The following RIPOR2 variants were observed in gnomAD, a reference collection of about 807,000 sequenced individuals.
The protein encoded by RIPOR2 is RHO family interacting cell polarization regulator 2.
RIPOR2 carries 39 observed loss-of-function variants against 114.5 expected under a neutral mutation model. The observed-to-expected ratio is 0.34, with a 90% CI of 0.26 to 0.44. RIPOR2 has a LOEUF of 0.44. Among genes scored for constraint, RIPOR2 ranks in the 20% least tolerant of loss-of-function variants. The pLI is 1.00. For synonymous variants in RIPOR2, 445 were observed against 484.4 expected (o/e 0.92, Z 1.07); for missense variants, 1,007 against 1,255.1 (o/e 0.80, Z 2.99).
In RIPOR2 at chr6:24,830,670, G is replaced by C; in HGVS notation, c.2345C>G (p.Ala782Gly). 1.3e-6 allele frequency: 2 copies of C among 1,549,258 alleles called. No homozygotes were observed. The highest frequency in any genetic ancestry group is 1.7e-6 in the Non-Finnish European group (2 of 1,146,390). Residue 782 changes from alanine (A) to glycine (G), a missense_variant and splice_region_variant, in exon 17 of 22, where the codon GCC becomes GGC. Coordinates refer to ENST00000643898, the MANE Select transcript of RIPOR2 (RefSeq NM_001286445.3). ...CAGCTTTTTGTGAAATTCTGGTATG[G>C]CTGGAAAAGAAGAGCAACCCCCCAT... ...NIGNISSVVEAIPEFHKKLSL... is the reference protein window; with the variant it reads ...NIGNISSVVEGIPEFHKKLSL...
At chr6:24,903,284 C>T (rs546744670) in intron 1 of RIPOR2, among the ~76,000 whole-genome samples, 1 of 152,192 alleles carries the variant, frequency 6.6e-6, no homozygotes, top group Non-Finnish European at 1.5e-5. Context: ...GTTGAATGAT[C>T]TTTTATGATC....
chr6:25,018,526 CCT>C (rs1178388068), intron 1 of RIPOR2, among the ~76,000 whole-genome samples: 5 of 151,968 alleles, frequency 3.3e-5, no homozygotes, highest in African/African-American at 9.7e-5. Flanking sequence ...TGATTATACC[CCT>C]CACCCCTTCC....
At chr6:24,836,878 CATATA>C (rs1215406714) in intron 14 of RIPOR2, among the ~76,000 whole-genome samples, 12 of 152,026 alleles carry the variant, frequency 7.9e-5, no homozygotes, top group Non-Finnish European at 1.6e-4. Flanking sequence ...CTTCTGATGA[CATATA>C]ATAAGATTGA....
rs1405059205 is a variant in RIPOR2 at position 25,019,791 on chromosome 6, A to G, written c.76+22060T>C. On this transcript the variant is annotated intron_variant, in intron 1 of 13. Transcript: ENST00000510784. ...CTCTGTCTCAAAAAAAAAAAAAAAA[A>G]AAAAAAAGAAAAGAAAGAAAGAAAA... 3.3e-5 allele frequency among the ~76,000 whole-genome samples: 5 copies of G among 149,790 alleles called. 1 individual carries two copies. The highest frequency in any genetic ancestry group is 1.3e-4 in the Admixed American group (2 of 15,048).
intron 1 of RIPOR2, among the ~76,000 whole-genome samples, chr6:24,952,602 G>T (rs127486): frequency 0.97 from 147,514 of 152,318 alleles, 71,444 homozygotes; most frequent in East Asian, 0.99. Context: ...AATAATAAAA[G>T]GTAGTAATGA....
intron 1 of RIPOR2, among the ~76,000 whole-genome samples, chr6:24,934,470 T>C (rs137866375): frequency 2.6e-5 from 4 of 152,200 alleles, no homozygotes; most frequent in African/African-American, 7.2e-5. Context: ...TAGAACAACA[T>C]AGCAGAAAGA....
chr6:24,845,871 G>A (rs1160631786), intron 12 of RIPOR2, among the ~76,000 whole-genome samples: 2 of 152,130 alleles, frequency 1.3e-5, no homozygotes, highest in South Asian at 2.1e-4. Flanking sequence ...GGAACAACAT[G>A]CAAAGACATG....
At position 24,848,052 on chromosome 6, in the gene RIPOR2, C is replaced by G; in HGVS notation, c.1137G>C (p.Thr379=). The G allele has an allele frequency of 6.2e-7, 1 of 1,613,930 alleles. No homozygotes were observed. Among genetic ancestry groups the G allele is most frequent in the Admixed American group, 1.7e-5 (1 of 60,020 alleles). The change falls in exon 12 of 22, where the codon ACG becomes ACC. Residue 379 remains threonine, a synonymous_variant. Coordinates refer to ENST00000643898, the MANE Select transcript of RIPOR2 (RefSeq NM_001286445.3). Reference sequence around the variant, plus strand: ...AGAAGGAGTGGTCTTTGAAGGTGGGCGTTTCCGGGGTACCCTGGCTGTACA... The same window carrying G: ...AGAAGGAGTGGTCTTTGAAGGTGGGGGTTTCCGGGGTACCCTGGCTGTACA... ...MSMYSQGTPE[T]PTFKDHSFFS...
chr6:24,997,376 A>T (rs756272692), intron 1 of RIPOR2, among the ~76,000 whole-genome samples: 3 of 152,188 alleles, frequency 2.0e-5, no homozygotes, highest in Non-Finnish European at 4.4e-5. Flanking sequence ...GCCCAGAAAG[A>T]GGAAGAGCCT....
intron 1 of RIPOR2, among the ~76,000 whole-genome samples, chr6:24,915,664 C>T (rs985343554): frequency 1.3e-5 from 2 of 152,112 alleles, no homozygotes; most frequent in African/African-American, 4.8e-5. Flanking sequence ...TGCCTGGCCC[C>T]CGTCTCTCTG....
chr6:24,910,884 G>T, intron 1 of RIPOR2: 1 of 985,360 alleles, frequency 1.0e-6, no homozygotes, highest in Non-Finnish European at 1.2e-6. Context: ...AAAAGCCTCC[G>T]CACCAATGCA....
chr6:24,839,237 A>G lies in RIPOR2; in HGVS notation c.1893T>C (p.Ser631=). The change falls in exon 14 of 22, where the codon AGT becomes AGC. Residue 631 remains serine (S), a synonymous_variant. Coordinates refer to ENST00000643898, the MANE Select transcript of RIPOR2 (RefSeq NM_001286445.3). The part of the protein sequence containing the change: ...KPAVSRSRSS[S]LSLTVESALE... ...AAGCACTTTCAACTGTGAGACTTAA[A>G]CTGGAAGACCTGCTGCGGCTTACTG... The G allele has an allele frequency of 6.4e-7, 1 of 1,551,902 alleles. No individual in the cohort carries two copies. The highest frequency in any genetic ancestry group is 8.7e-7 in the Non-Finnish European group (1 of 1,147,024).
chr6:25,024,853 GT>G (rs1776531147), intron 1 of RIPOR2, among the ~76,000 whole-genome samples: 1 of 152,178 alleles, frequency 6.6e-6, no homozygotes, highest in Non-Finnish European at 1.5e-5. Flanking sequence ...CTTTATGCCT[GT>G]TTTAATCCAT....
At chr6:24,852,123 G>C (rs1368279522) in intron 9 of RIPOR2, among the ~76,000 whole-genome samples, 2 of 152,074 alleles carry the variant, frequency 1.3e-5, no homozygotes, top group African/African-American at 4.8e-5. Context: ...TTAGCCGGCT[G>C]TGGTGGTGCA....
intron 1 of RIPOR2, among the ~76,000 whole-genome samples, chr6:24,951,476 C>A (rs143364804): frequency 6.6e-6 from 1 of 152,100 alleles, no homozygotes; most frequent in Non-Finnish European, 1.5e-5. Context: ...ATAAGACTTC[C>A]GTAAAAGGAT....
At position 24,817,703 on chromosome 6, in the gene RIPOR2, C is replaced by T. The variant is rs1185698118; in HGVS notation, c.2952+839G>A. Reference sequence around the variant, plus strand: ...TTCCTATTCGGCCATCTTGGCTCCTCCTCGGTGGTATTATTGTTCCGTTTA... The same window carrying T: ...TTCCTATTCGGCCATCTTGGCTCCTTCTCGGTGGTATTATTGTTCCGTTTA... On this transcript the variant is annotated intron_variant, in intron 20 of 21. Coordinates refer to ENST00000643898, the MANE Select transcript of RIPOR2 (RefSeq NM_001286445.3). Among the ~76,000 whole-genome samples the T allele has an allele frequency of 2.0e-5, 3 of 148,852 alleles. 1 individual carries two copies. Among genetic ancestry groups the T allele is most frequent in the Non-Finnish European group, 3.0e-5 (2 of 66,946 alleles).
chr6:24,954,939 G>T (rs909324267), intron 1 of RIPOR2, among the ~76,000 whole-genome samples: 13 of 152,138 alleles, frequency 8.5e-5, no homozygotes, highest in African/African-American at 3.1e-4. Context: ...TCCTAATGTG[G>T]TATATATGGA....
rs1561802192 is a variant in RIPOR2 at position 24,950,325 on chromosome 6, C to T, written c.77-74508G>A. The stretch of plus-strand genomic sequence containing the variant: ...AAGTTGGCAATGCTTGTCTTAAATG[C>T]AAGATTCTTTCTCTTTTCTTCCTCC... On this transcript the variant is annotated intron_variant, in intron 1 of 13. Coordinates refer to the RIPOR2 transcript ENST00000510784. 6.6e-5 allele frequency among the ~76,000 whole-genome samples: 10 copies of T among 152,316 alleles called. No homozygotes were observed. In the South Asian group the frequency reaches 2.1e-3, roughly 32 times the overall value.
At chr6:25,009,047 G>A (rs1775672488) in intron 1 of RIPOR2, among the ~76,000 whole-genome samples, 1 of 152,182 alleles carries the variant, frequency 6.6e-6, no homozygotes, top group Non-Finnish European at 1.5e-5. Flanking sequence ...CTCAGAGAAG[G>A]CAACAAAAGC....
Sources: allele counts gnomAD v4.1 joint callset (sites outside exome capture counted in the v4.1 genomes callset), GRCh38; gene constraint gnomAD v4.1.1; transcripts MANE v1.5; gene names NCBI Gene and HGNC (gene_info 2026-07-23, HGNC 2026-07-21).